The following SCFD2 variants were observed in gnomAD, a reference collection of about 807,000 sequenced individuals.
The protein encoded by SCFD2 is sec1 family domain containing 2.
In SCFD2, 54 loss-of-function variants were observed where a neutral mutation model predicts 58.9. The observed-to-expected ratio is 0.92, with a 90% confidence interval of 0.74 to 1.15. The LOEUF (loss-of-function observed/expected upper bound fraction) is 1.15, where lower values mean the gene tolerates loss of function less well. Among genes scored for constraint, SCFD2 ranks in the 50% most tolerant of loss-of-function variants. SCFD2 has a pLI of 0.00. For missense variants in SCFD2, 805 were observed against 836.6 expected (o/e 0.96, Z 0.47); for synonymous variants, 321 against 335.9 (o/e 0.96, Z 0.49).
chr4:53,098,129 T>C (rs1724715391), intron 5 of SCFD2, among the ~76,000 whole-genome samples: 1 of 152,240 alleles, frequency 6.6e-6, no homozygotes, highest in South Asian at 2.1e-4. Flanking sequence ...AGTATTTTAT[T>C]GAGGATTTTT....
intron 4 of SCFD2, among the ~76,000 whole-genome samples, chr4:53,184,954 C>T (rs1727696606): frequency 6.6e-6 from 1 of 151,842 alleles, no homozygotes; most frequent in South Asian, 2.1e-4. Flanking sequence ...CATCTCTTTG[C>T]TAGAGGGAAA....
chr4:53,228,859 T>C (rs1351945101), intron 4 of SCFD2, among the ~76,000 whole-genome samples: 4 of 152,208 alleles, frequency 2.6e-5, no homozygotes, highest in Admixed American at 1.3e-4. Flanking sequence ...CATGATTGTA[T>C]ATCTAGAAAA....
chr4:52,898,206 G>T, intron 7 of SCFD2, among the ~76,000 whole-genome samples: 1 of 152,120 alleles, frequency 6.6e-6, no homozygotes, highest in Non-Finnish European at 1.5e-5. Flanking sequence ...TTTTGAATGT[G>T]TTTGCTCTTG....
chr4:53,300,366 G>T (rs1341112694), intron 3 of SCFD2, among the ~76,000 whole-genome samples: 2 of 152,020 alleles, frequency 1.3e-5, no homozygotes, highest in African/African-American at 4.8e-5. Context: ...CATTACATAA[G>T]GCTAAAGGTA....
chr4:53,224,861 C>CT (rs544634165), intron 4 of SCFD2, among the ~76,000 whole-genome samples: 7 of 152,102 alleles, frequency 4.6e-5, no homozygotes, highest in African/African-American at 1.4e-4. Flanking sequence ...CTTTCTTCAC[C>CT]TTTTTTTATT....
chr4:52,895,455 A>G (rs1718983517), intron 7 of SCFD2, among the ~76,000 whole-genome samples: 2 of 151,998 alleles, frequency 1.3e-5, no homozygotes, highest in Admixed American at 6.5e-5. Context: ...CTTTGCTGAG[A>G]ATGATGGTTT....
chr4:53,350,009 C>G (rs770874186), intron 2 of SCFD2, among the ~76,000 whole-genome samples: 1 of 152,056 alleles, frequency 6.6e-6, no homozygotes, highest in Admixed American at 6.5e-5. Context: ...TAAACGGGGA[C>G]GCTAAGAGAA....
intron 6 of SCFD2, 72 bp from the exon 7 acceptor site, chr4:52,907,663 T>A: frequency 6.8e-7 from 1 of 1,479,744 alleles, no homozygotes; most frequent in South Asian, 1.1e-5. Context: ...TTATCTGCAA[T>A]GAAGAAAGCA....
chr4:53,345,302 T>C (rs915875575), intron 2 of SCFD2, among the ~76,000 whole-genome samples: 1 of 152,102 alleles, frequency 6.6e-6, no homozygotes, highest in African/African-American at 2.4e-5. Flanking sequence ...GAACAGACAC[T>C]TCACAAAAGA....
intron 5 of SCFD2, chr4:52,948,761 A>T (rs1370500451): frequency 7.1e-6 from 2 of 283,256 alleles, no homozygotes. Context: ...TGTAGTCTTC[A>T]TGGGGGTGGA....
At chr4:53,332,787 A>C (rs1202781380) in intron 2 of SCFD2, among the ~76,000 whole-genome samples, 1 of 151,728 alleles carries the variant, frequency 6.6e-6, no homozygotes, top group African/African-American at 2.4e-5. Flanking sequence ...GTATTCAATT[A>C]GGAAAAGAGG....
At chr4:53,337,207 G>A (rs1040028996) in intron 2 of SCFD2, among the ~76,000 whole-genome samples, 1 of 152,174 alleles carries the variant, frequency 6.6e-6, no homozygotes, top group Admixed American at 6.5e-5. Context: ...CCCACTTCTT[G>A]TGTGTTCACA....
intron 5 of SCFD2, among the ~76,000 whole-genome samples, chr4:52,974,093 C>G (rs1275262647): frequency 6.6e-6 from 1 of 152,166 alleles, no homozygotes; most frequent in African/African-American, 2.4e-5. Flanking sequence ...GGAAGCATTC[C>G]CTTTGAAAAC....
At chr4:53,335,816 A>ATAC (rs1463488268) in intron 2 of SCFD2, among the ~76,000 whole-genome samples, 1 of 152,206 alleles carries the variant, frequency 6.6e-6, no homozygotes, top group Non-Finnish European at 1.5e-5. Flanking sequence ...AAATTTGGAA[A>ATAC]TACTACTCTA....
chr4:52,925,948 C>T (rs1299781832), intron 5 of SCFD2, among the ~76,000 whole-genome samples: 1 of 152,118 alleles, frequency 6.6e-6, no homozygotes, highest in African/African-American at 2.4e-5. Flanking sequence ...AATAGGGCTC[C>T]TGTGTCAGCA....
At chr4:53,053,217 C>T (rs1723232283) in intron 5 of SCFD2, among the ~76,000 whole-genome samples, 1 of 142,488 alleles carries the variant, frequency 7.0e-6, no homozygotes, top group South Asian at 2.2e-4. Context: ...AGAGAGACAC[C>T]GTCTCAAAAA....
chr4:53,331,362 C>T (rs1299289867), intron 2 of SCFD2, among the ~76,000 whole-genome samples: 2 of 152,012 alleles, frequency 1.3e-5, no homozygotes, highest in South Asian at 2.1e-4. Flanking sequence ...CTCTCCTCAG[C>T]AAATGTAAAA....
chr4:53,157,308 A>G (rs1420610533), intron 4 of SCFD2, among the ~76,000 whole-genome samples: 1 of 152,204 alleles, frequency 6.6e-6, no homozygotes. Flanking sequence ...TTTAATGTAA[A>G]AGGGTACAAA....
intron 4 of SCFD2, among the ~76,000 whole-genome samples, chr4:53,179,753 C>A (rs544668260): frequency 1.3e-5 from 2 of 152,126 alleles, no homozygotes; most frequent in South Asian, 2.1e-4. Context: ...ATTCAGGAAC[C>A]CCATCTCACG....
Sources: gnomAD v4.1 joint callset for allele counts (sites outside exome capture counted in the v4.1 genomes callset) on GRCh38, gnomAD v4.1.1 for gene constraint, MANE v1.5 for transcripts, NCBI Gene and HGNC (gene_info 2026-07-23, HGNC 2026-07-21) for gene names.